The following PRKG1 variants were observed in gnomAD, a reference collection of about 807,000 sequenced individuals.
The protein encoded by PRKG1 is protein kinase cGMP-dependent 1.
In PRKG1, 35 loss-of-function variants were observed where a neutral mutation model predicts 88.1. That is an observed-to-expected ratio of 0.40 (90% CI 0.30 to 0.53). The LOEUF (loss-of-function observed/expected upper bound fraction) is 0.53, where lower values mean the gene tolerates loss of function less well. Among genes scored for constraint, PRKG1 ranks in the 20% least tolerant of loss-of-function variants. The pLI is 0.59. For synonymous variants in PRKG1, 303 were observed against 292.5 expected, an observed-to-expected ratio of 1.04 and a Z score of -0.37; for missense variants, 540 against 839.8, an observed-to-expected ratio of 0.64 and a Z score of 4.41.
rs1244622226 is a variant in PRKG1, at chr10:52,239,065, G to A, written c.1077-12505G>A. ...AAATCATCATTCTCAGTAAACTATC[G>A]CAAGAACAAAAAACCAAACACCGCA... On this transcript the variant is annotated intron_variant, in intron 9 of 17. Coordinates refer to ENST00000373980, the MANE Select transcript of PRKG1 (RefSeq NM_006258.4). 4.4e-3 allele frequency among the ~76,000 whole-genome samples: 485 copies of A among 110,300 alleles called. 2 individuals carry two copies. The highest frequency in any genetic ancestry group is 0.014 in the African/African-American group (401 of 28,906). The allele number at this position is 110,300 out of a possible 152,430, so 72.4% of individuals were successfully genotyped here. A position where few individuals can be genotyped will look rare whatever the true frequency, so the allele number is the denominator to read the frequency against.
chr10:51,970,143 C>G (rs11598381), intron 5 of PRKG1, among the ~76,000 whole-genome samples: 12,810 of 151,780 alleles, frequency 0.084, 771 homozygotes, highest in Non-Finnish European at 0.13. Context: ...AATGTGTCTT[C>G]CCTAAAAGTA....
At chr10:51,655,265 G>C (rs1840134178) in intron 3 of PRKG1, among the ~76,000 whole-genome samples, 1 of 152,068 alleles carries the variant, frequency 6.6e-6, no homozygotes, top group South Asian at 2.1e-4. Context: ...CAGGAAGAGA[G>C]AAATTTAATA....
chr10:51,125,987 T>TTTA (rs1845389336), intron 1 of PRKG1, among the ~76,000 whole-genome samples: 1 of 126,304 alleles, frequency 7.9e-6, no homozygotes, highest in South Asian at 2.3e-4. Context: ...ATACATATAA[T>TTTA]TATATAAATG....
chr10:51,916,927 T>A (rs1363922101), intron 5 of PRKG1, among the ~76,000 whole-genome samples: 1 of 152,206 alleles, frequency 6.6e-6, no homozygotes, highest in Non-Finnish European at 1.5e-5. Context: ...ATGACACATA[T>A]TGTGTGATTT....
At chr10:51,285,601 C>T (rs1840419731) in intron 2 of PRKG1, among the ~76,000 whole-genome samples, 1 of 152,020 alleles carries the variant, frequency 6.6e-6, no homozygotes, top group Non-Finnish European at 1.5e-5. Flanking sequence ...TTGATTCTGT[C>T]CTGCAATGAG....
At chr10:51,846,541 A>G (rs1309462674) in intron 4 of PRKG1, among the ~76,000 whole-genome samples, 4 of 152,186 alleles carry the variant, frequency 2.6e-5, no homozygotes, top group African/African-American at 9.7e-5. Context: ...CTTCAAAAGG[A>G]TCAGAGGCTT....
intron 8 of PRKG1, among the ~76,000 whole-genome samples, chr10:52,145,859 C>A (rs921931659): frequency 1.3e-5 from 2 of 152,180 alleles, no homozygotes; most frequent in African/African-American, 2.4e-5. Context: ...GCATCAGCCA[C>A]AATAACAGTG....
intron 3 of PRKG1, among the ~76,000 whole-genome samples, chr10:51,714,258 G>A (rs1049333478): frequency 6.6e-6 from 1 of 152,166 alleles, no homozygotes; most frequent in Non-Finnish European, 1.5e-5. Context: ...GATTACAGGC[G>A]TGAGCCACTG....
intron 3 of PRKG1, among the ~76,000 whole-genome samples, chr10:51,693,025 A>C (rs897743005): frequency 2.0e-5 from 3 of 151,954 alleles, no homozygotes; most frequent in African/African-American, 7.3e-5. Flanking sequence ...GGTGGCTCAC[A>C]CCTCTAATCC....
intron 4 of PRKG1, among the ~76,000 whole-genome samples, chr10:51,864,775 G>A (rs534680553): frequency 6.6e-6 from 1 of 152,244 alleles, no homozygotes; most frequent in South Asian, 2.1e-4. Flanking sequence ...GTGAAATAAA[G>A]ATTTTGGAAT....
intron 1 of PRKG1, among the ~76,000 whole-genome samples, chr10:51,104,721 T>TATTG: frequency 6.7e-6 from 1 of 149,228 alleles, no homozygotes; most frequent in South Asian, 2.1e-4. Flanking sequence ...TTTATTTATT[T>TATTG]ATTTATTTAT....
intron 9 of PRKG1, among the ~76,000 whole-genome samples, chr10:52,176,648 A>T (rs1184969074): frequency 6.6e-6 from 1 of 152,102 alleles, no homozygotes; most frequent in African/African-American, 2.4e-5. Flanking sequence ...CTGATCCATG[A>T]GTATAAGATG....
At chr10:51,734,065 C>CT (rs924814401) in intron 3 of PRKG1, among the ~76,000 whole-genome samples, 6 of 151,822 alleles carry the variant, frequency 4.0e-5, no homozygotes, top group African/African-American at 9.7e-5. Context: ...AGTATTTTAG[C>CT]TTTTTTAAAA....
intron 3 of PRKG1, among the ~76,000 whole-genome samples, chr10:51,707,877 A>G (rs1208530025): frequency 6.6e-6 from 1 of 152,210 alleles, no homozygotes; most frequent in Non-Finnish European, 1.5e-5. Flanking sequence ...TTCCAGTTTA[A>G]ATTTACCTTC....
intron 2 of PRKG1, among the ~76,000 whole-genome samples, chr10:51,187,880 T>G (rs1396060047): frequency 2.0e-5 from 3 of 151,990 alleles, no homozygotes; most frequent in African/African-American, 7.2e-5. Flanking sequence ...ACTTGTTAGA[T>G]CTTGCTTGTT....
intron 3 of PRKG1, among the ~76,000 whole-genome samples, chr10:51,521,464 G>C (rs1195309454): frequency 6.6e-6 from 1 of 152,280 alleles, no homozygotes; most frequent in South Asian, 2.1e-4. Context: ...ATTGGATTTT[G>C]ACTAAACTGT....
intron 5 of PRKG1, among the ~76,000 whole-genome samples, chr10:52,020,388 A>G (rs1845152365): frequency 6.6e-6 from 1 of 152,182 alleles, no homozygotes; most frequent in African/African-American, 2.4e-5. Context: ...AAGGTATCCA[A>G]GTTACTGCCA....
intron 3 of PRKG1, among the ~76,000 whole-genome samples, chr10:51,779,888 T>A (rs1838541846): frequency 6.6e-6 from 1 of 152,198 alleles, no homozygotes; most frequent in African/African-American, 2.4e-5. Flanking sequence ...CATTTTATGT[T>A]GCTCAATGTC....
intron 3 of PRKG1, among the ~76,000 whole-genome samples, chr10:51,689,284 T>A (rs1841078161): frequency 7.3e-6 from 1 of 137,766 alleles, no homozygotes; most frequent in Non-Finnish European, 1.6e-5. Context: ...TTCAAAGCAT[T>A]CAAGATAGTT....
Sources: gnomAD v4.1 joint callset for allele counts (sites outside exome capture counted in the v4.1 genomes callset) on GRCh38, gnomAD v4.1.1 for gene constraint, MANE v1.5 for transcripts, NCBI Gene and HGNC (gene_info 2026-07-23, HGNC 2026-07-21) for gene names.